The following MCC variants were observed in gnomAD, a reference collection of about 807,000 sequenced individuals.
MCC encodes MCC regulator of Wnt signaling pathway, also known as colorectal mutant cancer protein.
Under a neutral mutation model 116.2 loss-of-function variants are expected in MCC, and 90 were observed. The ratio of observed to expected loss-of-function variants is 0.77; its 90% CI spans 0.65 to 0.92. The LOEUF (loss-of-function observed/expected upper bound fraction) is 0.92. MCC is among the 40% of genes least tolerant of loss of function. The pLI, the probability that MCC is intolerant of heterozygous loss-of-function variation, is 0.00. For missense variants in MCC, 1,516 were observed against 1,312.2 expected (o/e 1.16, Z -2.40); for synonymous variants, 578 against 510.5 (o/e 1.13, Z -1.78).
intron 5 of MCC, among the ~76,000 whole-genome samples, chr5:113,127,820 T>A (rs1296746294): frequency 6.6e-6 from 1 of 152,234 alleles, no homozygotes; most frequent in East Asian, 1.9e-4. Flanking sequence ...ATAGTTTCTT[T>A]TGCTATGCAG....
intron 3 of MCC, among the ~76,000 whole-genome samples, chr5:113,182,522 G>T (rs569192339): frequency 3.3e-5 from 5 of 152,088 alleles, no homozygotes; most frequent in African/African-American, 1.2e-4. Context: ...CTTGAACCTG[G>T]GAGGCGGAGG....
At chr5:113,080,508 A>G in intron 11 of MCC, among the ~76,000 whole-genome samples, 1 of 152,202 alleles carries the variant, frequency 6.6e-6, no homozygotes, top group Non-Finnish European at 1.5e-5. Flanking sequence ...CTGTAGGGAC[A>G]TGGATGAAGC....
chr5:113,035,517 T>C (rs966633662), intron 17 of MCC, among the ~76,000 whole-genome samples: 2 of 152,224 alleles, frequency 1.3e-5, no homozygotes, highest in Non-Finnish European at 2.9e-5. Context: ...ATAAACCCTG[T>C]GGTCTTGCCT....
intron 1 of MCC, among the ~76,000 whole-genome samples, chr5:113,414,114 TG>T (rs1770073691): frequency 6.6e-6 from 1 of 152,232 alleles, no homozygotes; most frequent in South Asian, 2.1e-4. Flanking sequence ...AGTTCTAATT[TG>T]ATTGCACTGT....
At chr5:113,470,550 A>T (rs1159381190) in intron 1 of MCC, among the ~76,000 whole-genome samples, 4 of 152,272 alleles carry the variant, frequency 2.6e-5, no homozygotes, top group South Asian at 4.1e-4. Context: ...CCGAGAGATC[A>T]GCTGTTAGTC....
At position 113,488,422 on chromosome 5, in the gene MCC, C is replaced by G; in HGVS notation, c.-8G>C. The G allele has an allele frequency of 1.4e-6, 2 of 1,404,902 alleles. No homozygotes were observed. The highest frequency in any genetic ancestry group is 1.8e-6 in the Non-Finnish European group (2 of 1,092,912). 87.0% of individuals were successfully genotyped at this position (1,404,902 alleles called of 1,614,324 possible). A position where few individuals can be genotyped will look rare whatever the true frequency, so the allele number is the denominator to read the frequency against. Reference sequence around the variant, plus strand: ...CGCCGCGGCCGCCATCATGCGCCCGCTCCCTACTTGGGAGGAGGAGTACGC... The same window carrying G: ...CGCCGCGGCCGCCATCATGCGCCCGGTCCCTACTTGGGAGGAGGAGTACGC... On this transcript the variant is annotated 5_prime_UTR_variant, in exon 1 of 19. Coordinates refer to ENST00000408903, the MANE Select transcript of MCC (RefSeq NM_001085377.2).
chr5:113,051,854 A>G (rs1580931517), intron 15 of MCC, among the ~76,000 whole-genome samples: 1 of 152,200 alleles, frequency 6.6e-6, no homozygotes, highest in African/African-American at 2.4e-5. Context: ...TGGATCCTAG[A>G]AACTGGTGAA....
chr5:113,412,416 T>C lies in MCC; in HGVS notation c.171-27204A>G, dbSNP rs574123909. Among the ~76,000 whole-genome samples, 55 of 152,326 alleles carry C rather than the reference T, an allele frequency of 3.6e-4. 1 individual carries two copies. In the South Asian group the frequency reaches 8.1e-3, roughly 22 times the overall value. ...TTCCTATCCATGAGCATGGAATGTTTTTCCATTTGTTTGTGTCCTCCTTTA... is the reference window on the plus strand; with the variant it reads ...TTCCTATCCATGAGCATGGAATGTTCTTCCATTTGTTTGTGTCCTCCTTTA... On this transcript the variant is annotated intron_variant, in intron 1 of 18. Transcript: ENST00000408903.
intron 12 of MCC, among the ~76,000 whole-genome samples, chr5:113,068,668 G>T (rs1055983350): frequency 1.3e-5 from 2 of 152,180 alleles, no homozygotes; most frequent in Admixed American, 1.3e-4. Flanking sequence ...CACTATCTTG[G>T]ACCATCCTCC....
intron 4 of MCC, among the ~76,000 whole-genome samples, chr5:113,148,768 G>T (rs1759674757): frequency 6.6e-6 from 1 of 151,964 alleles, no homozygotes; most frequent in Admixed American, 6.5e-5. Context: ...TATATGAACT[G>T]GGAAGAAAAC....
At chr5:113,430,363 T>C (rs1212151462) in intron 1 of MCC, among the ~76,000 whole-genome samples, 3 of 152,234 alleles carry the variant, frequency 2.0e-5, no homozygotes, top group African/African-American at 4.8e-5. Context: ...TGTAGATAGT[T>C]GGCCTCCCTT....
At chr5:113,380,595 T>A (rs1373274713) in intron 2 of MCC, among the ~76,000 whole-genome samples, 2 of 152,210 alleles carry the variant, frequency 1.3e-5, no homozygotes, top group African/African-American at 2.4e-5. Flanking sequence ...GCAGTAAACA[T>A]GACAATCAAC....
At chr5:113,305,004 A>G (rs1766951634) in intron 3 of MCC, among the ~76,000 whole-genome samples, 1 of 149,096 alleles carries the variant, frequency 6.7e-6, no homozygotes, top group Non-Finnish European at 1.5e-5. Context: ...GCTACCCAAA[A>G]GGGGCAAAAA....
Position 113,253,130 on chromosome 5 carries a change from G to A in MCC, c.627+87389C>T, listed in dbSNP as rs777866203. ...GGGCACATAAATGGACTAAAGATTC[G>A]TATAGGTCAGATGAGAGCATACTGA... On this transcript the variant is annotated intron_variant, in intron 3 of 18. Coordinates refer to ENST00000408903, the MANE Select transcript of MCC (RefSeq NM_001085377.2). Among the ~76,000 whole-genome samples the A allele has an allele frequency of 4.6e-4, 70 of 152,318 alleles. 1 individual carries two copies. The highest frequency in any genetic ancestry group is 2.1e-4 in the Non-Finnish European group (14 of 68,030).
At chr5:113,286,209 G>A (rs952438645) in intron 3 of MCC, among the ~76,000 whole-genome samples, 3 of 152,196 alleles carry the variant, frequency 2.0e-5, no homozygotes, top group Non-Finnish European at 2.9e-5. Flanking sequence ...ACCGGGGGCC[G>A]CTGGGAGAAG....
In MCC at chr5:113,221,260, T is replaced by G. The variant is rs192163857; in HGVS notation, c.628-69838A>C. ...ACAGATGTGCTTGCATTTATCCCAG[T>G]CTGGGTGAAACCACGTTTGCAAAAA... On this transcript the variant is annotated intron_variant, in intron 3 of 18. Coordinates refer to ENST00000408903, the MANE Select transcript of MCC (RefSeq NM_001085377.2). Among the ~76,000 whole-genome samples the G allele has an allele frequency of 1.2e-3, 189 of 152,310 alleles. No individual in the cohort carries two copies. The Middle Eastern group carries it at 0.017, about 14-fold the overall frequency.
chr5:113,044,614 GC>G (rs1751948756), intron 16 of MCC: 1 of 308,710 alleles, frequency 3.2e-6, no homozygotes, highest in Non-Finnish European at 4.7e-6. Flanking sequence ...TGCTCTCGTT[GC>G]CCAGGCTGGA....
intron 3 of MCC, among the ~76,000 whole-genome samples, chr5:113,184,472 G>GTTTTTTTTTTTTTTTTTTTTTT (rs200787776): frequency 2.4e-5 from 3 of 123,800 alleles, no homozygotes; most frequent in Non-Finnish European, 3.2e-5. Context: ...TTCTTTCTTC[G>GTTTTTTTTTTTTTTTTTTTTTT]TTTTTTGTTT....
At chr5:113,047,792 G>C (rs969823900) in intron 16 of MCC, among the ~76,000 whole-genome samples, 1 of 148,248 alleles carries the variant, frequency 6.7e-6, no homozygotes, top group African/African-American at 2.5e-5. Context: ...ACAGTATTTG[G>C]AAAATTCTGA....
Sources: gnomAD v4.1 joint callset for allele counts (sites outside exome capture counted in the v4.1 genomes callset) on GRCh38, gnomAD v4.1.1 for gene constraint, MANE v1.5 for transcripts, NCBI Gene and HGNC (gene_info 2026-07-23, HGNC 2026-07-21) for gene names.